Variants in KLF12 observed in about 807,000 individuals in gnomAD.
KLF12 encodes Krueppel-like factor 12.
KLF12 carries 9 observed loss-of-function variants against 37.8 expected under a neutral mutation model. That is an observed-to-expected ratio of 0.24 (90% CI 0.14 to 0.42). The LOEUF (loss-of-function observed/expected upper bound fraction) is 0.42. Among genes scored for constraint, KLF12 ranks in the 10% least tolerant of loss-of-function variants. The probability of loss-of-function intolerance (pLI) is 1.00; values close to 1 mark genes in which losing one functional copy is unlikely to be tolerated. For synonymous variants in KLF12, 208 were observed against 202.1 expected, an observed-to-expected ratio of 1.03 and a Z score of -0.25; for missense variants, 411 against 516.0, an observed-to-expected ratio of 0.80 and a Z score of 1.97.
At chr13:73,868,337 G>GGC (rs1555317391) in intron 3 of KLF12, among the ~76,000 whole-genome samples, 7 of 133,098 alleles carry the variant, frequency 5.3e-5, no homozygotes, top group African/African-American at 2.0e-4. Context: ...TGGGGGGGGG[G>GGC]GGTGATTTCA....
chr13:74,270,282 C>T, the KLF12 span, among the ~76,000 whole-genome samples: 1 of 152,056 alleles, frequency 6.6e-6, no homozygotes, highest in South Asian at 2.1e-4. Context: ...TTGGGCTGGC[C>T]ATGTCAAAAA....
the KLF12 span, among the ~76,000 whole-genome samples, chr13:74,275,938 CT>C: frequency 1.9e-5 from 2 of 105,408 alleles, no homozygotes; most frequent in East Asian, 6.7e-4. Flanking sequence ...TCTTCATTTG[CT>C]CTATTACTTT....
the KLF12 span, among the ~76,000 whole-genome samples, chr13:74,158,243 C>T: frequency 6.6e-6 from 1 of 152,170 alleles, no homozygotes; most frequent in Admixed American, 6.5e-5. Flanking sequence ...AGTGAAGACA[C>T]ATGTGCGGCT....
At chr13:73,911,306 GATGA>G (rs1413442284) in intron 3 of KLF12, among the ~76,000 whole-genome samples, 1 of 152,130 alleles carries the variant, frequency 6.6e-6, no homozygotes, top group Non-Finnish European at 1.5e-5. Flanking sequence ...TATGGTGTTA[GATGA>G]ATGAAAATAT....
At chr13:74,200,194 G>C in the KLF12 span, among the ~76,000 whole-genome samples, 20,632 of 151,886 alleles carry the variant, frequency 0.14, 1,412 homozygotes, top group South Asian at 0.16. Context: ...TTGCTCAGGG[G>C]GGGGGTTTCC....
In KLF12 at chr13:73,804,777, A is replaced by G. The variant is rs112211397; in HGVS notation, c.806+8375T>C. ...GCATGATATTTAGTCACTAACAGAG[A>G]GCTGACTTCCACCTAAATATCTGAG... On this transcript the variant is annotated intron_variant, in intron 5 of 7. Coordinates refer to ENST00000377669, the MANE Select transcript of KLF12 (RefSeq NM_007249.5). Among the ~76,000 whole-genome samples the G allele has an allele frequency of 3.2e-3, 493 of 152,330 alleles. 2 individuals carry two copies. Among genetic ancestry groups the G allele is most frequent in the African/African-American group, 0.012 (480 of 41,572 alleles).
At chr13:73,968,630 TAAG>T (rs1455198299) in intron 2 of KLF12, among the ~76,000 whole-genome samples, 6 of 152,300 alleles carry the variant, frequency 3.9e-5, no homozygotes, top group East Asian at 1.9e-4. Flanking sequence ...ACTGACCACT[TAAG>T]AAAGTTTTCT....
intron 1 of KLF12, among the ~76,000 whole-genome samples, chr13:74,115,786 C>T (rs1027020541): frequency 6.6e-6 from 1 of 151,900 alleles, no homozygotes; most frequent in Non-Finnish European, 1.5e-5. Flanking sequence ...TGGCTTGTAG[C>T]CACATCCTTA....
At chr13:74,170,065 A>G in the KLF12 span, among the ~76,000 whole-genome samples, 1 of 152,146 alleles carries the variant, frequency 6.6e-6, no homozygotes, top group Non-Finnish European at 1.5e-5. Context: ...ATAATTTTTT[A>G]ACATCCACAT....
intron 1 of KLF12, among the ~76,000 whole-genome samples, chr13:74,004,545 G>T (rs1192891770): frequency 3.9e-5 from 6 of 152,238 alleles, no homozygotes; most frequent in Non-Finnish European, 1.5e-5. Context: ...ACTTCATCAT[G>T]CAATGCACAA....
At chr13:74,060,433 T>A (rs1873503001) in intron 1 of KLF12, among the ~76,000 whole-genome samples, 2 of 151,910 alleles carry the variant, frequency 1.3e-5, no homozygotes, top group African/African-American at 2.4e-5. Context: ...TTGTAGAACT[T>A]CTTCTTAAGA....
the KLF12 span, among the ~76,000 whole-genome samples, chr13:74,292,887 G>A: frequency 2.0e-5 from 3 of 152,156 alleles, no homozygotes; most frequent in Non-Finnish European, 4.4e-5. Context: ...GTCCACATGA[G>A]TAGCATCTTT....
At chr13:73,720,794 T>A (rs1876182284) in intron 6 of KLF12, among the ~76,000 whole-genome samples, 1 of 152,214 alleles carries the variant, frequency 6.6e-6, no homozygotes, top group Non-Finnish European at 1.5e-5. Flanking sequence ...TAGGGATAAC[T>A]GTAATCAGCC....
intron 1 of KLF12, among the ~76,000 whole-genome samples, chr13:74,068,266 T>A (rs936571563): frequency 3.0e-4 from 46 of 152,294 alleles, no homozygotes; most frequent in African/African-American, 9.9e-4. Context: ...TTTTGAAAAA[T>A]TTTAAAGATT....
the KLF12 span, among the ~76,000 whole-genome samples, chr13:74,150,789 G>T: frequency 3.3e-5 from 5 of 152,198 alleles, no homozygotes; most frequent in East Asian, 3.9e-4. Flanking sequence ...GGACACAAGG[G>T]GGGCAGAGGA....
chr13:74,286,100 A>G, the KLF12 span, among the ~76,000 whole-genome samples: 81 of 152,314 alleles, frequency 5.3e-4, no homozygotes, highest in African/African-American at 1.6e-3. Flanking sequence ...GATAAACATG[A>G]TGAACAAATT....
At chr13:74,020,518 A>G (rs1892814983) in intron 1 of KLF12, among the ~76,000 whole-genome samples, 1 of 152,140 alleles carries the variant, frequency 6.6e-6, no homozygotes, top group South Asian at 2.1e-4. Context: ...TGAACCCAAG[A>G]CACATGTTTT....
chr13:74,249,569 G>A, the KLF12 span, among the ~76,000 whole-genome samples: 1 of 152,100 alleles, frequency 6.6e-6, no homozygotes, highest in Non-Finnish European at 1.5e-5. Flanking sequence ...AACACAGTAT[G>A]TGAGAGTTGG....
intron 1 of KLF12, among the ~76,000 whole-genome samples, chr13:74,071,499 A>G (rs1874236421): frequency 6.7e-6 from 1 of 149,070 alleles, no homozygotes; most frequent in Non-Finnish European, 1.5e-5. Flanking sequence ...ATCCTGGCTA[A>G]CACAGTGAAA....
Sources: gnomAD v4.1 joint callset for allele counts (sites outside exome capture counted in the v4.1 genomes callset) on GRCh38, gnomAD v4.1.1 for gene constraint, MANE v1.5 for transcripts, NCBI Gene and HGNC (gene_info 2026-07-23, HGNC 2026-07-21) for gene names.